PIWIL1: variants seen among roughly 807,000 people sequenced by gnomAD.
PIWIL1 encodes piwi like RNA-mediated gene silencing 1.
PIWIL1 carries 73 observed loss-of-function variants against 114.4 expected under a neutral mutation model. That is an observed-to-expected ratio of 0.64 (90% CI 0.53 to 0.78). The LOEUF is 0.78. Among genes scored for constraint, PIWIL1 ranks in the 30% least tolerant of loss-of-function variants. PIWIL1 has a pLI of 0.00. For synonymous variants in PIWIL1, 375 were observed against 369.0 expected (o/e 1.02, Z -0.19); for missense variants, 723 against 1,063.1 (o/e 0.68, Z 4.45).
At chr12:130,389,438 TTAAC>T in the PIWIL1 span, among the ~76,000 whole-genome samples, 5 of 152,106 alleles carry the variant, frequency 3.3e-5, no homozygotes, top group African/African-American at 4.8e-5. Context: ...GGAAAAAAAT[TTAAC>T]TATTACTTTG....
intron 19 of PIWIL1, among the ~76,000 whole-genome samples, chr12:130,367,816 T>G (rs903459904): frequency 6.6e-6 from 1 of 152,164 alleles, no homozygotes; most frequent in African/African-American, 2.4e-5. Flanking sequence ...GGCTCCTTTT[T>G]TGGGACAGAG....
At chr12:130,416,521 A>G in the PIWIL1 span, among the ~76,000 whole-genome samples, 1 of 152,240 alleles carries the variant, frequency 6.6e-6, no homozygotes, top group East Asian at 1.9e-4. Flanking sequence ...GGCTAGTCAC[A>G]TGCAGAAGAT....
At chr12:130,375,695 T>A (rs563437591), downstream of PIWIL1, among the ~76,000 whole-genome samples, 3 of 152,252 alleles carry the variant, frequency 2.0e-5, no homozygotes, top group East Asian at 3.9e-4. Flanking sequence ...ATTTTTTTTT[T>A]ATGTTAAAAA....
At chr12:130,355,217 G>A (rs1002183546) in intron 11 of PIWIL1, among the ~76,000 whole-genome samples, 27 of 152,174 alleles carry the variant, frequency 1.8e-4, no homozygotes, top group Non-Finnish European at 7.3e-5. Flanking sequence ...TTTGCAGTGC[G>A]TAGTCTTTCT....
At chr12:130,405,198 C>G in the PIWIL1 span, among the ~76,000 whole-genome samples, 1 of 151,930 alleles carries the variant, frequency 6.6e-6, no homozygotes. Flanking sequence ...AATGGAGAAG[C>G]AAACACACAC....
chr12:130,362,623 G>A, intron 16 of PIWIL1, 143 bp from the exon 17 acceptor site: 1 of 670,704 alleles, frequency 1.5e-6, no homozygotes, highest in East Asian at 2.7e-5. Flanking sequence ...TTTTTATAAA[G>A]TATTTGGAGA....
the PIWIL1 span, among the ~76,000 whole-genome samples, chr12:130,390,500 G>A: frequency 6.6e-6 from 1 of 152,174 alleles, no homozygotes; most frequent in Non-Finnish European, 1.5e-5. Context: ...AAGGACTCCG[G>A]GGTCCCTCAG....
the PIWIL1 span, among the ~76,000 whole-genome samples, chr12:130,406,959 G>C: frequency 9.9e-5 from 15 of 152,200 alleles, no homozygotes; most frequent in Admixed American, 2.6e-4. Flanking sequence ...TCTTTATTCA[G>C]TGTCTACGAT....
chr12:130,342,951 T>C, intron 2 of PIWIL1, 39 bp from the exon 3 acceptor site: 13 of 1,498,544 alleles, frequency 8.7e-6, no homozygotes, highest in Non-Finnish European at 1.2e-5. Flanking sequence ...GTCTGACCGC[T>C]TGACGAAAAG....
chr12:130,345,266 G>A (rs992429657), intron 3 of PIWIL1: 2 of 153,494 alleles, frequency 1.3e-5, no homozygotes, highest in Non-Finnish European at 2.9e-5. Flanking sequence ...AGAGAGTCAG[G>A]TAGTGAGGAA....
At chr12:130,344,379 T>A (rs2073010598) in intron 3 of PIWIL1, among the ~76,000 whole-genome samples, 1 of 152,086 alleles carries the variant, frequency 6.6e-6, no homozygotes, top group African/African-American at 2.4e-5. Context: ...AAAGGATTTT[T>A]AGGTAGAGCC....
chr12:130,393,396 T>G, the PIWIL1 span, among the ~76,000 whole-genome samples: 7 of 151,882 alleles, frequency 4.6e-5, no homozygotes, highest in African/African-American at 1.7e-4. Context: ...CCAGTCACCG[T>G]CATCACGTGG....
chr12:130,350,075 AT>A lies in PIWIL1; in HGVS notation c.1044+109del. The A allele has an allele frequency of 9.7e-6, 6 of 618,744 alleles. No individual in the cohort carries two copies. In the South Asian group the frequency reaches 1.1e-4, roughly 11 times the overall value. 38.3% of individuals were successfully genotyped at this position (618,744 alleles called of 1,614,324 possible). ...AAGTTGCGTTTAAAGCTGTGTGTAA[AT>A]GTATTTGTTAGGGCAATCACAGCAT... On this transcript the variant is annotated intron_variant, in intron 9 of 20. Transcript: ENST00000245255.
the PIWIL1 span, among the ~76,000 whole-genome samples, chr12:130,390,879 G>A: frequency 6.6e-6 from 1 of 152,170 alleles, no homozygotes; most frequent in Non-Finnish European, 1.5e-5. Context: ...TCTCTCACCT[G>A]CTGGGCAGCT....
At chr12:130,394,499 A>G in the PIWIL1 span, among the ~76,000 whole-genome samples, 103 of 152,318 alleles carry the variant, frequency 6.8e-4, no homozygotes, top group East Asian at 0.019. Context: ...TGAGGCTTTC[A>G]ATGTAGTTTT....
the PIWIL1 span, chr12:130,424,737 C>T: frequency 1.6e-6 from 2 of 1,232,290 alleles, no homozygotes; most frequent in Non-Finnish European, 2.0e-6. This position sits in a 1 kb window ranked among gnomAD's most constrained non-coding sequence, Gnocchi z 9.8. Context: ...TAGCAGCCCA[C>T]AGCACTCTCC....
chr12:130,422,095 G>A, the PIWIL1 span, among the ~76,000 whole-genome samples: 2 of 152,146 alleles, frequency 1.3e-5, no homozygotes, highest in Admixed American at 6.5e-5. This position sits in a 1 kb window ranked among gnomAD's most constrained non-coding sequence, Gnocchi z 5.2. Flanking sequence ...CCTGAGGCAC[G>A]CTGACATCCA....
At chr12:130,423,581 C>T in the PIWIL1 span, among the ~76,000 whole-genome samples, 3 of 139,100 alleles carry the variant, frequency 2.2e-5, no homozygotes, top group African/African-American at 8.1e-5. Flanking sequence ...GAAGGCTGAT[C>T]ATGGAAAATT....
chr12:130,390,180 T>C, the PIWIL1 span, among the ~76,000 whole-genome samples: 2 of 152,256 alleles, frequency 1.3e-5, no homozygotes, highest in East Asian at 3.8e-4. Flanking sequence ...GTACTCTTAG[T>C]ACTGCAGATA....
Sources: allele counts gnomAD v4.1 joint callset (sites outside exome capture counted in the v4.1 genomes callset), GRCh38; gene constraint gnomAD v4.1.1; non-coding constraint Gnocchi (gnomAD v3.1); transcripts MANE v1.5; gene names NCBI Gene and HGNC (gene_info 2026-07-23, HGNC 2026-07-21).